The following MAOA variants were observed in gnomAD, a reference collection of about 807,000 sequenced individuals.
MAOA encodes amine oxidase [flavin-containing] A.
In MAOA, 6 loss-of-function variants were observed where a neutral mutation model predicts 42.0. That is an observed-to-expected ratio of 0.14 (90% confidence interval 0.08 to 0.28). MAOA has a LOEUF of 0.28. Among genes scored for constraint, MAOA ranks in the 10% least tolerant of loss-of-function variants. MAOA has a pLI of 1.00. For missense variants in MAOA, 262 were observed against 422.3 expected, an observed-to-expected ratio of 0.62 and a Z score of 3.33; for synonymous variants, 140 against 154.0, an observed-to-expected ratio of 0.91 and a Z score of 0.67.
Position 43,667,124 on chromosome X carries a change from G to T in MAOA, c.73+10710G>T, listed in dbSNP as rs190121867. Among the ~76,000 whole-genome samples, 78 of 110,167 alleles carry T rather than the reference G, an allele frequency of 7.1e-4. 1 individual carries two copies. The highest frequency in any genetic ancestry group is 1.1e-3 in the Non-Finnish European group (60 of 52,757). The stretch of plus-strand genomic sequence containing the variant: ...CTGCACATTGTGCACATGTACCCTA[G>T]AACTTAAAGTATATATATAAAAAAA... On this transcript the variant is annotated intron_variant, in intron 1 of 14. Transcript: ENST00000338702.
intron 1 of MAOA, among the ~76,000 whole-genome samples, chrX:43,672,182 G>T (rs926303161): frequency 1.8e-5 from 2 of 111,301 alleles, no homozygotes; most frequent in Non-Finnish European, 3.8e-5. Context: ...TGGATTCATA[G>T]GTATTTTATT....
intron 2 of MAOA, among the ~76,000 whole-genome samples, chrX:43,690,476 G>A (rs1432792209): frequency 1.8e-5 from 2 of 111,022 alleles, no homozygotes; most frequent in African/African-American, 3.3e-5. Flanking sequence ...TAGATTCTGT[G>A]TATAATTCAA....
intron 1 of MAOA, among the ~76,000 whole-genome samples, chrX:43,671,802 ATC>A (rs1954077355): frequency 1.0e-5 from 1 of 99,840 alleles, no homozygotes; most frequent in African/African-American, 3.7e-5. Flanking sequence ...ATTGATCTAT[ATC>A]TCTGTTTTGG....
intron 2 of MAOA, among the ~76,000 whole-genome samples, chrX:43,683,935 C>T (rs769469178): frequency 4.7e-4 from 42 of 89,550 alleles, no homozygotes; most frequent in Middle Eastern, 5.7e-3. Context: ...CTGGAAGTGA[C>T]TATACACCCG....
chrX:43,728,627 A>T (rs1288483673), intron 6 of MAOA, among the ~76,000 whole-genome samples: 3 of 112,419 alleles, frequency 2.7e-5, no homozygotes, highest in Non-Finnish European at 5.6e-5. Flanking sequence ...TTTCCAAAAA[A>T]TTCTAGAAAT....
intron 3 of MAOA, among the ~76,000 whole-genome samples, chrX:43,700,334 C>G (rs2033613276): frequency 8.9e-6 from 1 of 112,388 alleles, no homozygotes; most frequent in Admixed American, 9.4e-5. Context: ...TTCTAGTAAA[C>G]TGCTCCAAGA....
At chrX:43,706,864 T>C (rs1197616389) in intron 3 of MAOA, among the ~76,000 whole-genome samples, 1 of 111,053 alleles carries the variant, frequency 9.0e-6, no homozygotes, top group East Asian at 2.8e-4. Flanking sequence ...CATTTATATC[T>C]GAGTTTAATG....
chrX:43,683,325 G>T lies in MAOA; in HGVS notation c.74-188G>T, dbSNP rs773769644. Among the ~76,000 whole-genome samples the T allele has an allele frequency of 1.6e-3, 179 of 111,614 alleles. 2 individuals carry two copies. The highest frequency in any genetic ancestry group is 5.8e-3 in the African/African-American group (177 of 30,703). On this transcript the variant is annotated intron_variant, in intron 1 of 14. Coordinates refer to ENST00000338702, the MANE Select transcript of MAOA (RefSeq NM_000240.4). The stretch of plus-strand genomic sequence containing the variant: ...CAAGATGACTAAATTAGTTATTTTT[G>T]AATCCCTTATGACAGATAATAAAAA...
chrX:43,676,070 G>C (rs1480868161), intron 1 of MAOA, among the ~76,000 whole-genome samples: 2 of 112,356 alleles, frequency 1.8e-5, no homozygotes, highest in Non-Finnish European at 3.8e-5. Flanking sequence ...AGGCAGGCAG[G>C]CCTCCTTGAG....
At chrX:43,730,983 T>C (rs1439269418) in intron 6 of MAOA, among the ~76,000 whole-genome samples, 1 of 111,999 alleles carries the variant, frequency 8.9e-6, no homozygotes, top group Non-Finnish European at 1.9e-5. Context: ...AGCATTGGCA[T>C]AGTGGAACAT....
intron 5 of MAOA, among the ~76,000 whole-genome samples, chrX:43,724,672 C>A (rs1365191371): frequency 9.0e-6 from 1 of 111,296 alleles, no homozygotes; most frequent in Admixed American, 9.6e-5. Context: ...TCTCTGTCTC[C>A]TTCAGTTCTG....
intron 3 of MAOA, among the ~76,000 whole-genome samples, chrX:43,701,012 G>C (rs1474980562): frequency 8.9e-6 from 1 of 112,222 alleles, no homozygotes; most frequent in Non-Finnish European, 1.9e-5. Flanking sequence ...AGAAGGGATT[G>C]CTTTCTTCTC....
intron 5 of MAOA, among the ~76,000 whole-genome samples, chrX:43,718,484 G>A (rs1251127194): frequency 9.2e-6 from 1 of 109,220 alleles, no homozygotes; most frequent in Non-Finnish European, 1.9e-5. Context: ...AAACAGGGAA[G>A]CCTAGATGTT....
intron 5 of MAOA, among the ~76,000 whole-genome samples, chrX:43,716,888 A>G (rs1159966396): frequency 6.3e-5 from 7 of 110,824 alleles, no homozygotes; most frequent in Non-Finnish European, 1.1e-4. Context: ...CTAAGGGGAC[A>G]CAGGGAATGT....
At chrX:43,735,475 C>A (rs753040125) in intron 9 of MAOA, among the ~76,000 whole-genome samples, 2 of 111,842 alleles carry the variant, frequency 1.8e-5, no homozygotes, top group Non-Finnish European at 3.8e-5. Context: ...TATTGAGTTA[C>A]TTTATTTGGG....
chrX:43,706,573 C>T (rs1015899403), intron 3 of MAOA, among the ~76,000 whole-genome samples: 5 of 109,769 alleles, frequency 4.6e-5, no homozygotes, highest in African/African-American at 1.7e-4. Context: ...TCACTTGAGC[C>T]CAGGAGTTCA....
At chrX:43,741,781 C>T (rs954343453) in intron 11 of MAOA, among the ~76,000 whole-genome samples, 169 bp from the exon 12 acceptor site, 26 of 112,459 alleles carry the variant, frequency 2.3e-4, no homozygotes, top group Admixed American at 9.4e-4. Context: ...CATGGTACTT[C>T]ACAAAAGGCC....
At chrX:43,716,311 G>T (rs1050546721) in intron 5 of MAOA, among the ~76,000 whole-genome samples, 8 of 109,894 alleles carry the variant, frequency 7.3e-5, no homozygotes, top group African/African-American at 2.7e-4. Context: ...TAGATATAAA[G>T]GATGGATGGT....
rs1320825044 is a variant in MAOA at position 43,728,240 on chromosome X, G to T, written c.571G>T (p.Ala191Ser). The change falls in exon 6 of 15, where the codon GCC (alanine) becomes TCC (serine). Residue 191 changes from alanine to serine, a missense_variant. This residue lies in a region of MAOA where 141 missense variants were observed against 195.6 expected (regional missense o/e 0.72). Coordinates refer to ENST00000338702, the MANE Select transcript of MAOA (RefSeq NM_000240.4). ...GACCTCTGAGCCTCACGAAGTGTCT[G>T]CCCTGTGGTTCTTGTGGTATGTGAA... ...NVTSEPHEVS[A>S]LWFLWYVKQC... is the part of the protein sequence containing the mutation. 9.1e-6 allele frequency: 11 copies of T among 1,208,564 alleles called. No individual in the cohort carries two copies. The highest frequency in any genetic ancestry group is 5.3e-5 in the African/African-American group (3 of 57,031).
Sources: gnomAD v4.1 joint callset for allele counts (sites outside exome capture counted in the v4.1 genomes callset) on GRCh38, gnomAD v4.1.1 for gene constraint, gnomAD v4.1.1 regional missense constraint, MANE v1.5 for transcripts, NCBI Gene and HGNC (gene_info 2026-07-23, HGNC 2026-07-21) for gene names.